Variants in CDH11 observed in about 807,000 individuals in gnomAD.
CDH11 encodes the protein cadherin-11.
In CDH11, 11 loss-of-function variants were observed where a neutral mutation model predicts 67.8. The observed-to-expected ratio is 0.16, with a 90% CI of 0.10 to 0.27. The LOEUF (loss-of-function observed/expected upper bound fraction) is 0.27. Among genes scored for constraint, CDH11 ranks in the 10% least tolerant of loss-of-function variants. The pLI is 1.00. For synonymous variants in CDH11, 419 were observed against 400.0 expected (o/e 1.05, Z -0.57); for missense variants, 847 against 1,031.2 (o/e 0.82, Z 2.45).
intron 4 of CDH11, among the ~76,000 whole-genome samples, chr16:64,996,656 C>T (rs1330477311): frequency 6.6e-6 from 1 of 152,146 alleles, no homozygotes; most frequent in Non-Finnish European, 1.5e-5. Flanking sequence ...TGCCCATCAA[C>T]AGTGGATTGG....
chr16:65,011,112 TAC>T (rs778048515), intron 2 of CDH11, among the ~76,000 whole-genome samples: 54,765 of 136,288 alleles, frequency 0.4, 10,704 homozygotes, highest in Middle Eastern at 0.46. Flanking sequence ...TATATATATA[TAC>T]ATACACACAC....
chr16:65,103,859 TTA>T (rs1340045463), intron 1 of CDH11, among the ~76,000 whole-genome samples: 1 of 152,192 alleles, frequency 6.6e-6, no homozygotes, highest in Non-Finnish European at 1.5e-5. Flanking sequence ...ATAATTTATA[TTA>T]TGTTATAATA....
chr16:64,988,426 T>C, intron 6 of CDH11, 82 bp from the exon 7 acceptor site: 6 of 1,267,592 alleles, frequency 4.7e-6, no homozygotes, highest in Non-Finnish European at 6.5e-6. Flanking sequence ...TCCCAATAAA[T>C]TTCTCAAAGG....
At chr16:65,017,273 G>A (rs971955629) in intron 2 of CDH11, among the ~76,000 whole-genome samples, 1 of 152,116 alleles carries the variant, frequency 6.6e-6, no homozygotes, top group Non-Finnish European at 1.5e-5. Flanking sequence ...AGTCACTCTG[G>A]TTTGAATGCC....
At position 65,006,151 on chromosome 16, in the gene CDH11, T is replaced by C. The variant is rs2073049443; in HGVS notation, c.-172-1110A>G. Among the ~76,000 whole-genome samples, 2 of 152,160 alleles carry C rather than the reference T, an allele frequency of 1.3e-5. 1 individual carries two copies. The highest frequency in any genetic ancestry group is 4.1e-4 in the South Asian group (2 of 4,830). On this transcript the variant is annotated intron_variant, in intron 2 of 12. Coordinates refer to ENST00000268603, the MANE Select transcript of CDH11 (RefSeq NM_001797.4). The stretch of plus-strand genomic sequence containing the variant: ...ATTTGTTTTCTGGAGAATCACCTTC[T>C]CTCTCTGGAGTGCCACCCAGACTCC...
At chr16:65,027,373 T>A (rs75360957) in intron 2 of CDH11, among the ~76,000 whole-genome samples, 7,572 of 152,290 alleles carry the variant, frequency 0.05, 276 homozygotes, top group Non-Finnish European at 0.07. Context: ...CAGCTGGAGA[T>A]GGGATTGGCC....
intron 1 of CDH11, among the ~76,000 whole-genome samples, chr16:65,103,436 G>A (rs963771496): frequency 6.6e-6 from 1 of 152,044 alleles, no homozygotes; most frequent in African/African-American, 2.4e-5. Context: ...CAGTATTATG[G>A]AAAGATGCCT....
chr16:65,030,130 C>T (rs778927318), intron 2 of CDH11, among the ~76,000 whole-genome samples: 5 of 152,052 alleles, frequency 3.3e-5, no homozygotes, highest in African/African-American at 1.2e-4. Context: ...CAAACTCTAC[C>T]GTATCTATGG....
rs552593918 is a variant in CDH11, at chr16:64,974,669, ACCT to A, written c.1254-1632_1254-1630del. On this transcript the variant is annotated intron_variant, in intron 8 of 12. Transcript: ENST00000268603. ...GTGACAAAACCAAAGATATTCATAC[ACCT>A]CCTCAATGTCAGGAGAGGCTCAGCA... Among the ~76,000 whole-genome samples, 12 of 152,172 alleles carry A rather than the reference ACCT, an allele frequency of 7.9e-5. No homozygotes were observed. In the South Asian group the frequency reaches 2.1e-3, roughly 26 times the overall value.
At position 64,982,103 on chromosome 16, in the gene CDH11, T is replaced by G. The variant is rs2142458835; in HGVS notation, c.1198A>C (p.Thr400Pro). Residue 400 changes from threonine (T) to proline (P), a missense_variant, in exon 8 of 13, where the codon ACC (threonine) becomes CCC (proline). Around this residue, in one of 2 missense-constraint regions of CDH11, gnomAD observed 612 missense variants for 678.7 expected, o/e 0.90. Coordinates refer to ENST00000268603, the MANE Select transcript of CDH11 (RefSeq NM_001797.4). ...HEVQENAAAG[T>P]VVGRVHAKDP... ...TTGGCATGCACTCTCCCAACCACGG[T>G]GCCAGCAGCTGCATTTTCTTGGACT... 1 of 1,614,062 alleles carries G rather than the reference T, an allele frequency of 6.2e-7. No homozygotes were observed. The highest frequency in any genetic ancestry group is 8.5e-7 in the Non-Finnish European group (1 of 1,179,964).
In CDH11 at chr16:65,005,019, C is replaced by T; in HGVS notation, c.-150G>A. 1 of 1,370,628 alleles carries T rather than the reference C, an allele frequency of 7.3e-7. No individual in the cohort carries two copies. Among genetic ancestry groups the T allele is most frequent in the Non-Finnish European group, 9.4e-7 (1 of 1,061,382 alleles). 84.9% of individuals were successfully genotyped at this position (1,370,628 alleles called of 1,614,324 possible). On this transcript the variant is annotated 5_prime_UTR_variant, in exon 3 of 13. Coordinates refer to ENST00000268603, the MANE Select transcript of CDH11 (RefSeq NM_001797.4). ...GCTGGTTGAGCTCATCACGTCAGGG[C>T]TGCCCACGTCCCCAGTTAGCTTCTG...
At chr16:65,008,772 G>A (rs1027908846) in intron 2 of CDH11, among the ~76,000 whole-genome samples, 4 of 152,138 alleles carry the variant, frequency 2.6e-5, no homozygotes, top group African/African-American at 4.8e-5. Context: ...TTATACGGAC[G>A]TTGTGATAAA....
At position 65,116,603 on chromosome 16, in the gene CDH11, C is replaced by A. The variant is rs1009166867; in HGVS notation, c.-298+5277G>T. Among the ~76,000 whole-genome samples the A allele has an allele frequency of 4.6e-5, 7 of 152,280 alleles. No individual in the cohort carries two copies. The South Asian group carries it at 8.3e-4, about 18-fold the overall frequency. On this transcript the variant is annotated intron_variant, in intron 1 of 12. Transcript: ENST00000268603. ...GCAACCAGGAAATTTTGAGAATAAA[C>A]CCCTGCTCATTCACAAATATTGTTT...
chr16:65,029,305 A>G (rs1413940834), intron 2 of CDH11, among the ~76,000 whole-genome samples: 4 of 152,150 alleles, frequency 2.6e-5, no homozygotes, highest in African/African-American at 4.8e-5. Flanking sequence ...TATCCAAACC[A>G]AAAGCCAGAA....
chr16:65,092,125 A>C (rs2074802386), intron 1 of CDH11, among the ~76,000 whole-genome samples: 1 of 152,196 alleles, frequency 6.6e-6, no homozygotes, highest in Non-Finnish European at 1.5e-5. Context: ...CATAGATGGC[A>C]GGGTCTGTCC....
intron 1 of CDH11, among the ~76,000 whole-genome samples, chr16:65,116,162 T>C (rs1237538562): frequency 1.3e-5 from 2 of 152,138 alleles, no homozygotes; most frequent in Non-Finnish European, 2.9e-5. Flanking sequence ...GGGTAAAACA[T>C]TGCCAGCAAT....
At chr16:65,069,384 G>T (rs2074375374) in intron 1 of CDH11, among the ~76,000 whole-genome samples, 1 of 150,784 alleles carries the variant, frequency 6.6e-6, no homozygotes, top group Admixed American at 6.6e-5. Context: ...AATTCTGGGT[G>T]AATTCTTTCC....
intron 1 of CDH11, among the ~76,000 whole-genome samples, chr16:65,057,327 C>T (rs1006056987): frequency 7.2e-5 from 11 of 152,216 alleles, no homozygotes; most frequent in Admixed American, 6.5e-4. Context: ...ATCTTCCCAG[C>T]TCTGCACACC....
intron 1 of CDH11, among the ~76,000 whole-genome samples, chr16:65,066,121 A>G (rs1243934214): frequency 2.6e-5 from 4 of 152,200 alleles, no homozygotes; most frequent in Non-Finnish European, 5.9e-5. Context: ...AGCTCCTTCT[A>G]GGAACCCATT....
Sources: allele counts gnomAD v4.1 joint callset (sites outside exome capture counted in the v4.1 genomes callset), GRCh38; gene constraint gnomAD v4.1.1; regional missense constraint gnomAD v4.1.1; transcripts MANE v1.5; gene names NCBI Gene and HGNC (gene_info 2026-07-23, HGNC 2026-07-21).